INPP5D: variants seen among roughly 807,000 people sequenced by gnomAD.
INPP5D encodes inositol polyphosphate-5-phosphatase D.
Under a neutral mutation model 122.9 loss-of-function variants are expected in INPP5D, and 33 were observed. The ratio of observed to expected loss-of-function variants is 0.27; its 90% CI spans 0.20 to 0.36. The LOEUF is 0.36. Among genes scored for constraint, INPP5D ranks in the 10% least tolerant of loss-of-function variants. The pLI is 1.00. For synonymous variants in INPP5D, 584 were observed against 576.2 expected (o/e 1.01, Z -0.19); for missense variants, 1,053 against 1,412.7 (o/e 0.75, Z 4.08).
chr2:233,060,427 G>A lies in INPP5D; in HGVS notation c.-52G>A, dbSNP rs1708686524. On this transcript the variant is annotated 5_prime_UTR_variant, in exon 1 of 27. In the 5' UTR this introduces an upstream ATG that the reference lacks. Coordinates refer to ENST00000445964, the MANE Select transcript of INPP5D (RefSeq NM_001017915.3). ...AGGGGCCTCCGCTCCCCTCGGTGGT[G>A]TGTGGGTCCTGGGGGTGCCTGCCGG... 6.5e-7 allele frequency: 1 copy of A among 1,539,192 alleles called. No individual in the cohort carries two copies. Among genetic ancestry groups the A allele is most frequent in the Non-Finnish European group, 8.8e-7 (1 of 1,137,598 alleles).
intron 1 of INPP5D, among the ~76,000 whole-genome samples, chr2:233,063,242 C>T (rs973747684): frequency 2.0e-5 from 3 of 152,210 alleles, no homozygotes; most frequent in Non-Finnish European, 4.4e-5. Context: ...AAGCCACACA[C>T]TCACCCTCCT....
intron 17 of INPP5D, among the ~76,000 whole-genome samples, chr2:233,174,333 G>C (rs1050207181): frequency 6.6e-6 from 1 of 152,230 alleles, no homozygotes; most frequent in Non-Finnish European, 1.5e-5. Flanking sequence ...GCGCTGTGAC[G>C]TGATGACAGC....
intron 18 of INPP5D, among the ~76,000 whole-genome samples, chr2:233,180,307 C>G (rs1410249066): frequency 6.6e-6 from 1 of 151,956 alleles, no homozygotes; most frequent in Non-Finnish European, 1.5e-5. Flanking sequence ...TAAGGGCACA[C>G]TGTAGTGCCA....
Position 233,112,254 on chromosome 2 carries a change from C to T in INPP5D, c.199-9853C>T, listed in dbSNP as rs115334854. 8.5e-3 allele frequency among the ~76,000 whole-genome samples: 1,299 copies of T among 152,192 alleles called. 6 individuals are homozygous for T. Among genetic ancestry groups the T allele is most frequent in the Non-Finnish European group, 0.014 (931 of 68,006 alleles). The stretch of plus-strand genomic sequence containing the variant: ...ACTGTGGGGAGGAGCCGTCCCTTCT[C>T]CTTTATTTATGTCAGTACAGACTCA... On this transcript the variant is annotated intron_variant, in intron 2 of 26. Coordinates refer to ENST00000445964, the MANE Select transcript of INPP5D (RefSeq NM_001017915.3).
intron 2 of INPP5D, among the ~76,000 whole-genome samples, chr2:233,111,885 A>T (rs1692639492): frequency 6.6e-6 from 1 of 152,074 alleles, no homozygotes; most frequent in Non-Finnish European, 1.5e-5. Flanking sequence ...ACATGGCAAA[A>T]TTCCGCCTCT....
In INPP5D at chr2:233,185,708, C is replaced by T. The variant is rs1168477623; in HGVS notation, c.2276-135C>T. 7.5e-6 allele frequency: 8 copies of T among 1,064,596 alleles called. No homozygotes were observed. The Admixed American group carries it at 3.6e-4, about 48-fold the overall frequency. The allele number at this position is 1,064,596 out of a possible 1,614,324, so 65.9% of individuals were successfully genotyped here. On this transcript the variant is annotated intron_variant, in intron 20 of 26. Transcript: ENST00000445964. ...CTGACTCCTAAATGATGCTGAGGCCCCGAGATAAAAAAAAAAAAAAAAAAA... is the reference window on the plus strand; with the variant it reads ...CTGACTCCTAAATGATGCTGAGGCCTCGAGATAAAAAAAAAAAAAAAAAAA...
At chr2:233,145,930 G>A (rs751502187) in intron 6 of INPP5D, 1 of 672,788 alleles carries the variant, frequency 1.5e-6, no homozygotes, top group South Asian at 1.5e-5. Flanking sequence ...AGCACCGGGG[G>A]AGAGGCAGAT....
At chr2:233,144,376 G>A (rs1251588659) in intron 6 of INPP5D, among the ~76,000 whole-genome samples, 9 of 150,862 alleles carry the variant, frequency 6.0e-5, no homozygotes, top group Non-Finnish European at 1.3e-4. Flanking sequence ...GGGTGGAGGT[G>A]GTCATGATCA....
At position 233,160,841 on chromosome 2, in the gene INPP5D, C is replaced by T. The variant is rs1217151295; in HGVS notation, c.1138-883C>T. 6.6e-6 allele frequency among the ~76,000 whole-genome samples: 1 copy of T among 152,102 alleles called. No homozygotes were observed. Among genetic ancestry groups the T allele is most frequent in the Non-Finnish European group, 1.5e-5 (1 of 68,002 alleles). ...GTAGAGGCAGGGTTCCCCTATGTTGCCCAGGCTGGTCTCAAACTCCTGGGA... is the reference window on the plus strand; with the variant it reads ...GTAGAGGCAGGGTTCCCCTATGTTGTCCAGGCTGGTCTCAAACTCCTGGGA... On this transcript the variant is annotated intron_variant, in intron 10 of 26. Coordinates refer to ENST00000445964, the MANE Select transcript of INPP5D (RefSeq NM_001017915.3). The surrounding 1 kb of genome is among the most constrained non-coding windows in gnomAD (Gnocchi z 4.2).
At chr2:233,145,593 G>A (rs1310365721) in intron 6 of INPP5D, among the ~76,000 whole-genome samples, 2 of 152,070 alleles carry the variant, frequency 1.3e-5, no homozygotes, top group Non-Finnish European at 2.9e-5. Context: ...ATGAGGAGTT[G>A]CCCCTCCCAG....
At chr2:233,134,295 G>A (rs1427199823) in intron 5 of INPP5D, 1 of 292,554 alleles carries the variant, frequency 3.4e-6, no homozygotes, top group African/African-American at 2.2e-5. Flanking sequence ...GGGGAATCAT[G>A]GGGGATGCAT....
intron 2 of INPP5D, among the ~76,000 whole-genome samples, chr2:233,080,804 G>T (rs372669330): frequency 6.6e-6 from 1 of 152,192 alleles, no homozygotes; most frequent in Non-Finnish European, 1.5e-5. Context: ...AGAGCGTGGT[G>T]AGCAGAACGC....
rs550455689 is a variant in INPP5D, at chr2:233,183,680, C to G, written c.2162-728C>G. ...AGTACACAGCAGATGCTGGAAAACA[C>G]TGATCACGGGGATTGAGCATTGACA... On this transcript the variant is annotated intron_variant, in intron 19 of 26. Coordinates refer to ENST00000445964, the MANE Select transcript of INPP5D (RefSeq NM_001017915.3). The surrounding 1 kb of genome is among the most constrained non-coding windows in gnomAD (Gnocchi z 4.6). 2.0e-5 allele frequency among the ~76,000 whole-genome samples: 3 copies of G among 152,338 alleles called. No individual in the cohort carries two copies. The highest frequency in any genetic ancestry group is 7.2e-5 in the African/African-American group (3 of 41,580).
chr2:233,080,254 C>A (rs868613454), intron 2 of INPP5D, among the ~76,000 whole-genome samples: 15 of 152,244 alleles, frequency 9.9e-5, no homozygotes, highest in African/African-American at 3.4e-4. Context: ...AAACAAAAAT[C>A]AGCTGCACCC....
intron 9 of INPP5D, among the ~76,000 whole-genome samples, chr2:233,154,045 C>T (rs1052681721): frequency 6.6e-6 from 1 of 152,236 alleles, no homozygotes; most frequent in Non-Finnish European, 1.5e-5. Context: ...TCGACAGACC[C>T]CACCTCACTG....
At chr2:233,063,526 A>G (rs183667809) in intron 1 of INPP5D, among the ~76,000 whole-genome samples, 1 of 152,396 alleles carries the variant, frequency 6.6e-6, no homozygotes, top group Non-Finnish European at 1.5e-5. Context: ...GGGGTTGGAC[A>G]TCAAAAGACA....
At position 233,188,438 on chromosome 2, in the gene INPP5D, C is replaced by T. The variant is rs926526064; in HGVS notation, c.2359-1412C>T. ...CGGGTCTTCCTCCAGCATCCAAGAA[C>T]CCCAGCTCTGGCCCTGGGTCTAGCT... On this transcript the variant is annotated intron_variant, in intron 21 of 26. Coordinates refer to ENST00000445964, the MANE Select transcript of INPP5D (RefSeq NM_001017915.3). The surrounding 1 kb of genome is among the most constrained non-coding windows in gnomAD (Gnocchi z 4.7). 6.6e-6 allele frequency among the ~76,000 whole-genome samples: 1 copy of T among 152,190 alleles called. No homozygotes were observed. The highest frequency in any genetic ancestry group is 1.5e-5 in the Non-Finnish European group (1 of 68,032).
chr2:233,189,203 C>T lies in INPP5D; in HGVS notation c.2359-647C>T, dbSNP rs796369904. 5.1e-4 allele frequency among the ~76,000 whole-genome samples: 77 copies of T among 152,318 alleles called. No individual in the cohort carries two copies. The highest frequency in any genetic ancestry group is 1.8e-3 in the African/African-American group (74 of 41,566). The stretch of plus-strand genomic sequence containing the variant: ...AGCAGGGCCTCTGGGGGAGCTGGCA[C>T]TCCCCAGCTCTGGAAACTTGCTCGC... On this transcript the variant is annotated intron_variant, in intron 21 of 26. Transcript: ENST00000445964. The surrounding 1 kb of genome is among the most constrained non-coding windows in gnomAD (Gnocchi z 5.6).
intron 9 of INPP5D, among the ~76,000 whole-genome samples, chr2:233,148,088 A>G (rs140885928): frequency 0.97 from 148,229 of 152,328 alleles, 72,208 homozygotes; most frequent in East Asian, 1. Context: ...TTATTAGTAG[A>G]TTCTGAGAAC....
Sources: allele counts gnomAD v4.1 joint callset (sites outside exome capture counted in the v4.1 genomes callset), GRCh38; gene constraint gnomAD v4.1.1; non-coding constraint Gnocchi (gnomAD v3.1); transcripts MANE v1.5; gene names NCBI Gene and HGNC (gene_info 2026-07-23, HGNC 2026-07-21).